The following NPAS3 variants were observed in gnomAD, a reference collection of about 807,000 sequenced individuals.
NPAS3 encodes neuronal PAS domain-containing protein 3.
NPAS3 carries 14 observed loss-of-function variants against 73.1 expected under a neutral mutation model. The ratio of observed to expected loss-of-function variants is 0.19; its 90% CI spans 0.13 to 0.30. The LOEUF (loss-of-function observed/expected upper bound fraction) is 0.30. NPAS3 is among the 10% of genes least tolerant of loss of function. The probability of loss-of-function intolerance (pLI) is 1.00; values close to 1 mark genes in which losing one functional copy is unlikely to be tolerated. For synonymous variants in NPAS3, 620 were observed against 541.5 expected (o/e 1.14, Z -2.01); for missense variants, 1,096 against 1,250.0 (o/e 0.88, Z 1.86).
intron 1 of NPAS3, among the ~76,000 whole-genome samples, chr14:32,946,924 T>C (rs2036285644): frequency 1.3e-5 from 2 of 152,192 alleles, no homozygotes; most frequent in Admixed American, 1.3e-4. Flanking sequence ...TCTGATTACA[T>C]TATTATATTA....
intron 4 of NPAS3, among the ~76,000 whole-genome samples, chr14:33,527,921 C>T (rs539309045): frequency 6.6e-6 from 1 of 152,174 alleles, no homozygotes; most frequent in Non-Finnish European, 1.5e-5. Flanking sequence ...ACATTCCTTC[C>T]ATTTCAACAC....
chr14:33,055,876 A>C, intron 1 of NPAS3, 29 bp from the exon 2 acceptor site: 1 of 782,812 alleles, frequency 1.3e-6, no homozygotes, highest in Non-Finnish European at 2.3e-6. Flanking sequence ...ATCTCTAGTC[A>C]TGTCTATCTG....
At chr14:33,192,877 G>A (rs1156776141) in intron 2 of NPAS3, among the ~76,000 whole-genome samples, 1 of 152,174 alleles carries the variant, frequency 6.6e-6, no homozygotes, top group Non-Finnish European at 1.5e-5. Context: ...TCAGTGGTAG[G>A]AACTCCCTTT....
At chr14:33,178,376 G>C (rs1042971311) in intron 2 of NPAS3, among the ~76,000 whole-genome samples, 4 of 152,000 alleles carry the variant, frequency 2.6e-5, no homozygotes, top group Non-Finnish European at 5.9e-5. Context: ...CCCGGCCGAA[G>C]TGAATCTTTA....
At chr14:33,774,144 GAAT>G (rs1475050425) in intron 7 of NPAS3, among the ~76,000 whole-genome samples, 190 bp from the exon 8 acceptor site, 1 of 152,168 alleles carries the variant, frequency 6.6e-6, no homozygotes, top group Non-Finnish European at 1.5e-5. Context: ...GGAACGCCTG[GAAT>G]GTAATAATAC....
intron 5 of NPAS3, among the ~76,000 whole-genome samples, chr14:33,672,108 A>G (rs1338378536): frequency 6.6e-6 from 1 of 152,008 alleles, no homozygotes; most frequent in Non-Finnish European, 1.5e-5. Context: ...CCTGAAACTA[A>G]CCAGTTAAAC....
intron 4 of NPAS3, among the ~76,000 whole-genome samples, chr14:33,483,434 C>T (rs781486859): frequency 3.9e-5 from 6 of 152,264 alleles, no homozygotes; most frequent in East Asian, 3.9e-4. Flanking sequence ...ATTATCTATC[C>T]GGAGCAAGAG....
At chr14:32,947,262 A>G (rs1344194177) in intron 1 of NPAS3, among the ~76,000 whole-genome samples, 2 of 152,166 alleles carry the variant, frequency 1.3e-5, no homozygotes, top group East Asian at 3.8e-4. Context: ...ACACTGCGGA[A>G]AAGGATGCTA....
intron 1 of NPAS3, among the ~76,000 whole-genome samples, chr14:32,949,869 C>T (rs1166675913): frequency 6.6e-6 from 1 of 151,740 alleles, no homozygotes; most frequent in Non-Finnish European, 1.5e-5. Flanking sequence ...ATTAGTTATG[C>T]TACATGTATT....
chr14:33,118,821 C>T (rs1043495884), intron 2 of NPAS3, among the ~76,000 whole-genome samples: 7 of 151,528 alleles, frequency 4.6e-5, no homozygotes, highest in African/African-American at 1.2e-4. Flanking sequence ...AGGTGGCCTG[C>T]GTTTGCCTGG....
In NPAS3 at chr14:33,605,501, A is replaced by G. The variant is rs1037348990; in HGVS notation, c.558+45291A>G. On this transcript the variant is annotated intron_variant, in intron 5 of 11. Transcript: ENST00000356141. ...ACTACTAGATCTGGTTGAATCCACA[A>G]AAGACTACTAGAACTAATAAATGAA... Among the ~76,000 whole-genome samples the G allele has an allele frequency of 2.6e-5, 4 of 152,226 alleles. 1 individual carries two copies. Among genetic ancestry groups the G allele is most frequent in the Admixed American group, 6.5e-5 (1 of 15,298 alleles).
chr14:33,260,038 G>T (rs1215479903), intron 3 of NPAS3, among the ~76,000 whole-genome samples: 1 of 152,074 alleles, frequency 6.6e-6, no homozygotes. Context: ...AAAGCCTATT[G>T]CATGCAGCCG....
chr14:33,735,076 A>G, intron 6 of NPAS3, 138 bp from the exon 7 acceptor site: 1 of 653,890 alleles, frequency 1.5e-6, no homozygotes, highest in Non-Finnish European at 2.8e-6. Context: ...TTTCTAAATG[A>G]GGTAAATTGA....
chr14:33,314,629 C>T (rs943898588), intron 3 of NPAS3, among the ~76,000 whole-genome samples: 2 of 151,924 alleles, frequency 1.3e-5, no homozygotes, highest in African/African-American at 4.8e-5. Flanking sequence ...AGAATATTAT[C>T]GATCCATATA....
chr14:32,950,634 A>G (rs1049296522), intron 1 of NPAS3, among the ~76,000 whole-genome samples: 1 of 152,124 alleles, frequency 6.6e-6, no homozygotes, highest in Non-Finnish European at 1.5e-5. Flanking sequence ...AACAAAAAGA[A>G]ATAATCTTCC....
At chr14:33,572,620 A>G (rs2056260687) in intron 5 of NPAS3, among the ~76,000 whole-genome samples, 1 of 152,188 alleles carries the variant, frequency 6.6e-6, no homozygotes, top group South Asian at 2.1e-4. Flanking sequence ...TTAACCAGGA[A>G]CGCTAGTTAC....
chr14:32,938,735 G>GGGGGAC (rs1333635912), upstream of NPAS3, among the ~76,000 whole-genome samples: 36 of 150,592 alleles, frequency 2.4e-4, no homozygotes, highest in Non-Finnish European at 5.1e-4. Flanking sequence ...AAGGGGTGAC[G>GGGGGAC]GGGGACGGGG....
At chr14:32,977,215 G>C (rs1024808296) in intron 1 of NPAS3, among the ~76,000 whole-genome samples, 2 of 152,086 alleles carry the variant, frequency 1.3e-5, no homozygotes, top group African/African-American at 4.8e-5. Context: ...CTGGCATCAA[G>C]ACTTTGCCTA....
chr14:33,062,905 G>C (rs2041158253), intron 2 of NPAS3, among the ~76,000 whole-genome samples: 1 of 152,230 alleles, frequency 6.6e-6, no homozygotes, highest in African/African-American at 2.4e-5. Context: ...TGTGTCTTTA[G>C]TGAATCTTTG....
Sources: allele counts gnomAD v4.1 joint callset (sites outside exome capture counted in the v4.1 genomes callset), GRCh38; gene constraint gnomAD v4.1.1; transcripts MANE v1.5; gene names NCBI Gene and HGNC (gene_info 2026-07-23, HGNC 2026-07-21).